The following EGFLAM variants were observed in gnomAD, a reference collection of about 807,000 sequenced individuals.
The protein encoded by EGFLAM is pikachurin.
A neutral mutation model predicts 113.1 loss-of-function variants in EGFLAM; 79 were observed. The ratio of observed to expected loss-of-function variants is 0.70; its 90% confidence interval spans 0.58 to 0.84. The LOEUF is 0.84. Ranked by LOEUF, EGFLAM falls within the 40% of genes least tolerant of loss-of-function variation. The probability of loss-of-function intolerance (pLI) is 0.00; values close to 1 mark genes in which losing one functional copy is unlikely to be tolerated. For synonymous variants in EGFLAM, 504 were observed against 487.6 expected, an observed-to-expected ratio of 1.03 and a Z score of -0.44; for missense variants, 1,265 against 1,291.6, an observed-to-expected ratio of 0.98 and a Z score of 0.32.
chr5:38,420,295 T>C (rs1266346842), intron 12 of EGFLAM, among the ~76,000 whole-genome samples: 1 of 152,232 alleles, frequency 6.6e-6, no homozygotes, highest in Non-Finnish European at 1.5e-5. Flanking sequence ...TTACCATCCA[T>C]TGATTACTTG....
intron 1 of EGFLAM, among the ~76,000 whole-genome samples, chr5:38,298,707 A>T (rs1370070182): frequency 2.6e-5 from 4 of 151,626 alleles, no homozygotes; most frequent in Admixed American, 1.3e-4. Context: ...TATCTTTTTT[A>T]TTTTTTTTCT....
chr5:38,394,478 C>T lies in EGFLAM; in HGVS notation c.713-11648C>T, dbSNP rs758923360. Among the ~76,000 whole-genome samples, 64 of 151,934 alleles carry T rather than the reference C, an allele frequency of 4.2e-4. No individual in the cohort carries two copies. In the Middle Eastern group the frequency reaches 0.017, roughly 40 times the overall value. ...AGGCTGGAGTGCAGTGGCACGATCT[C>T]GGCTCACTGCAAGCTGCGCCTCCCG... On this transcript the variant is annotated intron_variant, in intron 6 of 21. Coordinates refer to ENST00000322350, the MANE Select transcript of EGFLAM (RefSeq NM_152403.4).
chr5:38,380,275 T>G (rs372626682), intron 6 of EGFLAM, among the ~76,000 whole-genome samples: 14 of 152,372 alleles, frequency 9.2e-5, no homozygotes, highest in Admixed American at 9.1e-4. Flanking sequence ...CCCTTTTAGA[T>G]AGCAATTTTG....
chr5:38,387,564 C>A (rs1302876782), intron 6 of EGFLAM, among the ~76,000 whole-genome samples: 1 of 152,240 alleles, frequency 6.6e-6, no homozygotes, highest in Admixed American at 6.5e-5. Context: ...ACCCACCACA[C>A]AATTCTGTTT....
chr5:38,315,250 G>A (rs1303028187), intron 1 of EGFLAM, among the ~76,000 whole-genome samples: 1 of 152,114 alleles, frequency 6.6e-6, no homozygotes, highest in African/African-American at 2.4e-5. Context: ...ATAGTCCCTA[G>A]TGATTCCAGC....
At chr5:38,451,909 T>C (rs1235902672) in intron 19 of EGFLAM, among the ~76,000 whole-genome samples, 1 of 150,304 alleles carries the variant, frequency 6.7e-6, no homozygotes, top group Non-Finnish European at 1.5e-5. Flanking sequence ...GGAAAATGGC[T>C]TGAACCCATG....
At chr5:38,370,550 G>T (rs1740182177) in intron 6 of EGFLAM, 88 bp downstream of exon 6, 2 of 1,466,180 alleles carry the variant, frequency 1.4e-6, no homozygotes, top group Non-Finnish European at 1.8e-6. Context: ...ATGCCGTGCA[G>T]AAGGACAGCC....
chr5:38,443,266 A>G (rs2112240477), intron 17 of EGFLAM, among the ~76,000 whole-genome samples: 2 of 152,360 alleles, frequency 1.3e-5, no homozygotes, highest in South Asian at 2.1e-4. Flanking sequence ...ACTCTGTCTC[A>G]AAAAATAAAA....
At chr5:38,364,525 C>A (rs992671478) in intron 5 of EGFLAM, among the ~76,000 whole-genome samples, 1 of 151,986 alleles carries the variant, frequency 6.6e-6, no homozygotes, top group Non-Finnish European at 1.5e-5. Flanking sequence ...AGAGATGGGT[C>A]GGTGAGGGTC....
At chr5:38,323,371 A>C (rs566632017) in intron 1 of EGFLAM, among the ~76,000 whole-genome samples, 22 of 152,340 alleles carry the variant, frequency 1.4e-4, no homozygotes, top group Admixed American at 5.2e-4. Flanking sequence ...AGTCCTCCAG[A>C]GAAAAAAGCT....
At chr5:38,319,763 A>G (rs1738692794) in intron 1 of EGFLAM, among the ~76,000 whole-genome samples, 1 of 152,224 alleles carries the variant, frequency 6.6e-6, no homozygotes, top group Non-Finnish European at 1.5e-5. Flanking sequence ...TTGAAAAGAC[A>G]CATTTAGCAG....
chr5:38,358,747 TC>T (rs1012324039), intron 5 of EGFLAM, among the ~76,000 whole-genome samples: 4 of 151,922 alleles, frequency 2.6e-5, no homozygotes, highest in Non-Finnish European at 4.4e-5. Context: ...ATCTTCATGA[TC>T]CCCCCCAAAG....
intron 6 of EGFLAM, among the ~76,000 whole-genome samples, chr5:38,372,081 A>G (rs1740237480): frequency 6.6e-6 from 1 of 151,832 alleles, no homozygotes; most frequent in South Asian, 2.1e-4. Flanking sequence ...GCTGATTTAG[A>G]TGTGCGCATA....
intron 12 of EGFLAM, among the ~76,000 whole-genome samples, chr5:38,419,698 G>A (rs1378010282): frequency 1.3e-5 from 2 of 152,162 alleles, no homozygotes; most frequent in African/African-American, 4.8e-5. Context: ...CAAGGTTATT[G>A]TGAAGTAGGT....
chr5:38,455,108 T>A (rs1743045890), intron 19 of EGFLAM, among the ~76,000 whole-genome samples: 1 of 152,174 alleles, frequency 6.6e-6, no homozygotes, highest in Non-Finnish European at 1.5e-5. Context: ...CCTCATCACA[T>A]CTTCATGCAA....
chr5:38,259,638 A>G (rs2111670440), intron 1 of EGFLAM, among the ~76,000 whole-genome samples: 1 of 152,362 alleles, frequency 6.6e-6, no homozygotes. Context: ...TGTTTCCCAA[A>G]TAACGATTTT....
chr5:38,297,430 AT>A (rs1339110222), intron 1 of EGFLAM, among the ~76,000 whole-genome samples: 1 of 152,230 alleles, frequency 6.6e-6, no homozygotes, highest in African/African-American at 2.4e-5. Context: ...ATCCAGAAAC[AT>A]AGATATTCCT....
At chr5:38,303,244 G>A (rs1015878667) in intron 1 of EGFLAM, among the ~76,000 whole-genome samples, 1 of 152,206 alleles carries the variant, frequency 6.6e-6, no homozygotes, top group African/African-American at 2.4e-5. Flanking sequence ...ATTTAGGGGA[G>A]AGGCAGCTGA....
intron 6 of EGFLAM, among the ~76,000 whole-genome samples, chr5:38,388,953 T>A (rs1052914792): frequency 2.0e-5 from 3 of 150,790 alleles, no homozygotes; most frequent in Non-Finnish European, 4.4e-5. Flanking sequence ...TGCAAATGAG[T>A]TTTTCAGTGA....
Sources: allele counts gnomAD v4.1 joint callset (sites outside exome capture counted in the v4.1 genomes callset), GRCh38; gene constraint gnomAD v4.1.1; transcripts MANE v1.5; gene names NCBI Gene and HGNC (gene_info 2026-07-23, HGNC 2026-07-21).